SEMA5A: variants seen among roughly 807,000 people sequenced by gnomAD.
SEMA5A encodes semaphorin-5A.
A neutral mutation model predicts 135.5 loss-of-function variants in SEMA5A; 55 were observed. The observed-to-expected ratio is 0.41, with a 90% CI of 0.33 to 0.51. The LOEUF (loss-of-function observed/expected upper bound fraction) is 0.51. SEMA5A is among the 20% of genes least tolerant of loss of function. The pLI, the probability that SEMA5A is intolerant of heterozygous loss-of-function variation, is 0.37. For synonymous variants in SEMA5A, 580 were observed against 546.5 expected, an observed-to-expected ratio of 1.06 and a Z score of -0.85; for missense variants, 1,290 against 1,419.9, an observed-to-expected ratio of 0.91 and a Z score of 1.47.
At chr5:9,166,244 A>G (rs1176901806) in intron 11 of SEMA5A, among the ~76,000 whole-genome samples, 4 of 152,088 alleles carry the variant, frequency 2.6e-5, no homozygotes, top group African/African-American at 9.7e-5. Flanking sequence ...TGGTTTCCAG[A>G]ACAAAGCCTG....
intron 11 of SEMA5A, among the ~76,000 whole-genome samples, chr5:9,167,763 T>G (rs1329724934): frequency 6.6e-6 from 1 of 152,170 alleles, no homozygotes; most frequent in Admixed American, 6.5e-5. Flanking sequence ...AACCAAAGAA[T>G]AAATGTCCAT....
rs910531366 is a variant in SEMA5A, at chr5:9,042,415, C to G, written c.*482G>C. ...ATCCAGATTTGGAAAGTTGGGCAAT[C>G]CATGGTGAATAATTGTTTGGCCACA... On this transcript the variant is annotated 3_prime_UTR_variant, in exon 23 of 23. Transcript: ENST00000382496. The G allele has an allele frequency of 6.3e-6, 1 of 158,596 alleles. No homozygotes were observed. Among genetic ancestry groups the G allele is most frequent in the African/African-American group, 2.4e-5 (1 of 41,480 alleles). The allele number at this position is 158,596 out of a possible 1,614,324, so 9.8% of individuals were successfully genotyped here.
intron 1 of SEMA5A, among the ~76,000 whole-genome samples, chr5:9,492,729 C>A (rs867263883): frequency 3.3e-5 from 5 of 152,122 alleles, no homozygotes; most frequent in East Asian, 1.9e-4. Flanking sequence ...ATAGAGGAAC[C>A]TTTAATGCAT....
At chr5:9,128,886 G>T (rs1170363390) in intron 13 of SEMA5A, among the ~76,000 whole-genome samples, 1 of 152,062 alleles carries the variant, frequency 6.6e-6, no homozygotes, top group African/African-American at 2.4e-5. Flanking sequence ...GATGTTTAGT[G>T]ACACCCCTGG....
intron 9 of SEMA5A, among the ~76,000 whole-genome samples, chr5:9,201,536 C>T (rs780035114): frequency 2.6e-5 from 4 of 152,112 alleles, no homozygotes; most frequent in Non-Finnish European, 5.9e-5. Context: ...TAAGCAAGAG[C>T]CATGTTATCT....
intron 3 of SEMA5A, among the ~76,000 whole-genome samples, chr5:9,347,862 T>A (rs1017899843): frequency 1.3e-5 from 2 of 152,190 alleles, no homozygotes; most frequent in Admixed American, 6.5e-5. Context: ...TTGAGAGAAA[T>A]CTTAGGAAGC....
At chr5:9,139,901 C>T (rs994416892) in intron 12 of SEMA5A, among the ~76,000 whole-genome samples, 3 of 152,186 alleles carry the variant, frequency 2.0e-5, no homozygotes, top group Non-Finnish European at 2.9e-5. Context: ...TCTAAGGTAT[C>T]ATTTTTTGGC....
intron 1 of SEMA5A, among the ~76,000 whole-genome samples, chr5:9,533,038 T>C (rs1737545852): frequency 6.6e-6 from 1 of 152,228 alleles, no homozygotes; most frequent in African/African-American, 2.4e-5. Flanking sequence ...GTTATTCTTT[T>C]GTTTTCTCCA....
chr5:9,370,920 T>C (rs1348115814), intron 3 of SEMA5A, among the ~76,000 whole-genome samples: 3 of 152,220 alleles, frequency 2.0e-5, no homozygotes, highest in Non-Finnish European at 4.4e-5. Context: ...ACCTTCAGTA[T>C]GACAAACAGA....
chr5:9,214,303 C>T (rs886506), intron 8 of SEMA5A, among the ~76,000 whole-genome samples: 4,472 of 152,284 alleles, frequency 0.029, 238 homozygotes, highest in African/African-American at 0.1. Context: ...GCTTCCAGAG[C>T]TCGGGCCAGG....
At chr5:9,387,442 TA>T (rs1412304389) in intron 2 of SEMA5A, among the ~76,000 whole-genome samples, 61 of 152,296 alleles carry the variant, frequency 4.0e-4, no homozygotes, top group African/African-American at 1.4e-3. Flanking sequence ...AAGCTCTTTT[TA>T]TATTTATGAA....
chr5:9,230,608 C>T (rs781486685), intron 6 of SEMA5A, among the ~76,000 whole-genome samples: 9 of 152,076 alleles, frequency 5.9e-5, no homozygotes, highest in African/African-American at 1.7e-4. Context: ...CTTCGCAGAA[C>T]GGAGTGAGTG....
chr5:9,323,648 C>A (rs889666658), intron 4 of SEMA5A, among the ~76,000 whole-genome samples: 3 of 114,836 alleles, frequency 2.6e-5, no homozygotes, highest in Admixed American at 1.7e-4. Context: ...TTAAATGTTT[C>A]TTTTTTTCCT....
intron 1 of SEMA5A, among the ~76,000 whole-genome samples, chr5:9,495,200 C>T (rs1312534061): frequency 2.6e-5 from 4 of 152,290 alleles, no homozygotes; most frequent in South Asian, 2.1e-4. Flanking sequence ...GGATACCTGG[C>T]GTCCCTGTGA....
intron 16 of SEMA5A, among the ~76,000 whole-genome samples, chr5:9,082,595 C>T (rs1194533168): frequency 6.6e-6 from 1 of 152,174 alleles, no homozygotes; most frequent in Non-Finnish European, 1.5e-5. Context: ...CTAGTTCCTC[C>T]ACTTTCTCAT....
intron 11 of SEMA5A, among the ~76,000 whole-genome samples, chr5:9,181,948 TCTC>T (rs901701938): frequency 4.6e-5 from 7 of 151,502 alleles, no homozygotes; most frequent in East Asian, 1.9e-4. Flanking sequence ...CTGACCTCTA[TCTC>T]CTCCTCAACT....
intron 2 of SEMA5A, among the ~76,000 whole-genome samples, chr5:9,426,728 G>A (rs1388141146): frequency 6.6e-6 from 1 of 152,142 alleles, no homozygotes; most frequent in Non-Finnish European, 1.5e-5. Flanking sequence ...CGTTCTGGGT[G>A]TATCTGATCA....
intron 5 of SEMA5A, among the ~76,000 whole-genome samples, chr5:9,310,074 C>G (rs1245516585): frequency 6.6e-6 from 1 of 152,034 alleles, no homozygotes; most frequent in Non-Finnish European, 1.5e-5. Context: ...GTTCACTCAT[C>G]AATTCAGGAA....
chr5:9,161,291 A>G (rs914550253), intron 11 of SEMA5A, among the ~76,000 whole-genome samples: 7 of 152,106 alleles, frequency 4.6e-5, no homozygotes, highest in Non-Finnish European at 8.8e-5. Flanking sequence ...GATCCCCACA[A>G]AAACCCTCAA....
Sources: gnomAD v4.1 joint callset for allele counts (sites outside exome capture counted in the v4.1 genomes callset) on GRCh38, gnomAD v4.1.1 for gene constraint, MANE v1.5 for transcripts, NCBI Gene and HGNC (gene_info 2026-07-23, HGNC 2026-07-21) for gene names.